The following TRDN variants were observed in gnomAD, a reference collection of about 807,000 sequenced individuals.
TRDN encodes triadin, also known as triadin in skeletal muscle.
TRDN carries 161 observed loss-of-function variants against 149.7 expected under a neutral mutation model. The observed-to-expected ratio is 1.08, with a 90% CI of 0.95 to 1.23. TRDN has a LOEUF of 1.23. Among genes scored for constraint, TRDN ranks in the 50% most tolerant of loss-of-function variants. The probability of loss-of-function intolerance (pLI) is 0.00; values close to 1 mark genes in which losing one functional copy is unlikely to be tolerated. For missense variants in TRDN, 896 were observed against 823.5 expected (o/e 1.09, Z -1.08); for synonymous variants, 294 against 250.5 (o/e 1.17, Z -1.64).
At chr6:123,223,990 T>G in intron 39 of TRDN, 103 bp downstream of exon 39, 2 of 1,053,020 alleles carry the variant, frequency 1.9e-6, no homozygotes, top group Non-Finnish European at 2.8e-6. Context: ...TAGAAAAGCT[T>G]AAGACTAGAT....
chr6:123,476,045 G>T (rs1319509887), intron 9 of TRDN, among the ~76,000 whole-genome samples: 93 of 129,906 alleles, frequency 7.2e-4, no homozygotes, highest in African/African-American at 1.9e-3. Flanking sequence ...CATAGTGTTG[G>T]AAGTTCTGGC....
chr6:123,401,814 G>T (rs1251540002), intron 12 of TRDN, among the ~76,000 whole-genome samples: 1 of 152,062 alleles, frequency 6.6e-6, no homozygotes, highest in Non-Finnish European at 1.5e-5. Flanking sequence ...GGGTGTGGGG[G>T]TGCTCACCTG....
chr6:123,414,265 TA>T (rs1399429727), intron 12 of TRDN, among the ~76,000 whole-genome samples: 5 of 152,094 alleles, frequency 3.3e-5, no homozygotes, highest in Non-Finnish European at 5.9e-5. Flanking sequence ...GAGATTTTTT[TA>T]AAAAAATTCT....
At chr6:123,238,408 G>T (rs1344463390) in intron 38 of TRDN, among the ~76,000 whole-genome samples, 1 of 152,102 alleles carries the variant, frequency 6.6e-6, no homozygotes, top group East Asian at 1.9e-4. Flanking sequence ...TGTTAGGTGG[G>T]TATGGTTAAA....
At chr6:123,527,617 G>C (rs1452160489) in intron 5 of TRDN, among the ~76,000 whole-genome samples, 1 of 151,788 alleles carries the variant, frequency 6.6e-6, no homozygotes, top group African/African-American at 2.4e-5. Flanking sequence ...CATTCTGCCT[G>C]TTCCCCAGGG....
rs1409820247 is a variant in TRDN at position 123,266,423 on chromosome 6, G to A, written c.1784-1085C>T. Among the ~76,000 whole-genome samples the A allele has an allele frequency of 2.6e-4, 25 of 95,500 alleles. 1 individual carries two copies. The highest frequency in any genetic ancestry group is 8.5e-4 in the African/African-American group (18 of 21,200). The allele number at this position is 95,500 out of a possible 152,430, so 62.7% of individuals were successfully genotyped here. A position where few individuals can be genotyped will look rare whatever the true frequency, so the allele number is the denominator to read the frequency against. On this transcript the variant is annotated intron_variant, in intron 32 of 40. Transcript: ENST00000334268. ...GTATTATATATAATATATAGATTATGATATGTATTATATATAATATATAGA... is the reference window on the plus strand; with the variant it reads ...GTATTATATATAATATATAGATTATAATATGTATTATATATAATATATAGA...
Position 123,390,986 on chromosome 6 carries a change from G to A in TRDN, c.1106-2435C>T, listed in dbSNP as rs567448609. Among the ~76,000 whole-genome samples the A allele has an allele frequency of 3.3e-5, 5 of 152,066 alleles. No individual in the cohort carries two copies. In the East Asian group the frequency reaches 5.8e-4, roughly 18 times the overall value. On this transcript the variant is annotated intron_variant, in intron 13 of 40. Coordinates refer to ENST00000334268, the MANE Select transcript of TRDN (RefSeq NM_006073.4). ...GTGCACATACCCCATCTTTTAAGCCGAGTTCCATTACGGCATGTGTTCTCT... is the reference window on the plus strand; with the variant it reads ...GTGCACATACCCCATCTTTTAAGCCAAGTTCCATTACGGCATGTGTTCTCT...
intron 21 of TRDN, among the ~76,000 whole-genome samples, chr6:123,339,013 T>G (rs910823562): frequency 9.2e-5 from 14 of 152,016 alleles, no homozygotes; most frequent in Non-Finnish European, 1.9e-4. Flanking sequence ...TTAGGGGTTT[T>G]TTTTTGTTTT....
At chr6:123,558,244 A>C (rs936431315) in intron 2 of TRDN, among the ~76,000 whole-genome samples, 1 of 150,862 alleles carries the variant, frequency 6.6e-6, no homozygotes, top group Non-Finnish European at 1.5e-5. Flanking sequence ...CCTCTTTCCA[A>C]TCTTCCTTTT....
At chr6:123,310,085 T>C (rs1055201061) in intron 24 of TRDN, among the ~76,000 whole-genome samples, 11 of 152,066 alleles carry the variant, frequency 7.2e-5, no homozygotes, top group African/African-American at 2.7e-4. Context: ...TAAAATGCTG[T>C]GTGACATTAA....
At chr6:123,388,737 C>G (rs377029094) in intron 13 of TRDN, among the ~76,000 whole-genome samples, 186 bp from the exon 14 acceptor site, 1 of 151,934 alleles carries the variant, frequency 6.6e-6, no homozygotes, top group African/African-American at 2.4e-5. Context: ...TTTGTAAACT[C>G]AGAAATAAGC....
chr6:123,427,154 A>T (rs1774157066), intron 12 of TRDN, among the ~76,000 whole-genome samples: 1 of 151,928 alleles, frequency 6.6e-6, no homozygotes, highest in African/African-American at 2.4e-5. Flanking sequence ...ACATTCTATG[A>T]TAAGATTCAC....
chr6:123,321,228 T>A (rs1006981463), intron 23 of TRDN, among the ~76,000 whole-genome samples: 21 of 152,168 alleles, frequency 1.4e-4, no homozygotes, highest in African/African-American at 4.8e-4. Flanking sequence ...ACAGGATTGC[T>A]GTGAAAATTA....
chr6:123,278,620 G>T (rs541357649), intron 25 of TRDN, among the ~76,000 whole-genome samples: 1 of 152,210 alleles, frequency 6.6e-6, no homozygotes, highest in African/African-American at 2.4e-5. Context: ...ACTTTGGAAG[G>T]CCAGCCAGGT....
At chr6:123,350,018 A>G in intron 21 of TRDN, 4 of 985,368 alleles carry the variant, frequency 4.1e-6, no homozygotes, top group Non-Finnish European at 4.8e-6. Flanking sequence ...GAATTTTGAA[A>G]CATTCCTTAA....
intron 12 of TRDN, chr6:123,411,712 C>T (rs1773448538): frequency 6.6e-6 from 1 of 152,064 alleles, no homozygotes; most frequent in African/African-American, 2.4e-5. Flanking sequence ...CTACCATCTG[C>T]AGGTATCTTT....
intron 1 of TRDN, among the ~76,000 whole-genome samples, chr6:123,600,824 C>A (rs1784244362): frequency 6.6e-6 from 1 of 152,058 alleles, no homozygotes; most frequent in African/African-American, 2.4e-5. Flanking sequence ...TTGCTTCCCA[C>A]ATTTAAACTC....
At chr6:123,530,588 A>G in intron 4 of TRDN, 23 bp from the exon 5 acceptor site, 2 of 1,184,706 alleles carry the variant, frequency 1.7e-6, no homozygotes, top group Non-Finnish European at 2.3e-6. Flanking sequence ...AGAATTTATA[A>G]TTTTAAAACT....
At chr6:123,224,196 T>A in intron 38 of TRDN, 65 bp from the exon 39 acceptor site, 1 of 1,512,816 alleles carries the variant, frequency 6.6e-7, no homozygotes, top group Non-Finnish European at 9.1e-7. Flanking sequence ...GAGGAAGTAT[T>A]GTATTTAAAG....
Sources: allele counts gnomAD v4.1 joint callset (sites outside exome capture counted in the v4.1 genomes callset), GRCh38; gene constraint gnomAD v4.1.1; transcripts MANE v1.5; gene names NCBI Gene and HGNC (gene_info 2026-07-23, HGNC 2026-07-21).